Variants in TSHZ2 observed in about 807,000 individuals in gnomAD.
The protein encoded by TSHZ2 is teashirt homolog 2.
TSHZ2 carries 21 observed loss-of-function variants against 74.4 expected under a neutral mutation model. That is an observed-to-expected ratio of 0.28 (90% CI 0.20 to 0.41). The LOEUF (loss-of-function observed/expected upper bound fraction) is 0.41. TSHZ2 is among the 10% of genes least tolerant of loss of function. The probability of loss-of-function intolerance (pLI) is 1.00; values close to 1 mark genes in which losing one functional copy is unlikely to be tolerated. For missense variants in TSHZ2, 1,244 were observed against 1,293.5 expected, an observed-to-expected ratio of 0.96 and a Z score of 0.59; for synonymous variants, 540 against 515.3, an observed-to-expected ratio of 1.05 and a Z score of -0.65.
intron 2 of TSHZ2, among the ~76,000 whole-genome samples, chr20:53,419,981 C>A (rs1204753029): frequency 6.6e-6 from 1 of 152,202 alleles, no homozygotes; most frequent in Non-Finnish European, 1.5e-5. Flanking sequence ...TCTCTCTGCA[C>A]CGTATATAAA....
At chr20:53,444,268 C>T (rs1330645174) in intron 2 of TSHZ2, among the ~76,000 whole-genome samples, 3 of 152,180 alleles carry the variant, frequency 2.0e-5, no homozygotes, top group Non-Finnish European at 4.4e-5. Flanking sequence ...TGGAAACTCT[C>T]AAGAAACAAA....
intron 1 of TSHZ2, among the ~76,000 whole-genome samples, chr20:52,988,275 A>G (rs910826642): frequency 2.6e-5 from 4 of 152,122 alleles, no homozygotes; most frequent in African/African-American, 7.2e-5. Context: ...TTTATATACA[A>G]TCTCTCCCCG....
intron 1 of TSHZ2, chr20:53,185,648 G>A: frequency 1.3e-6 from 2 of 1,536,000 alleles, no homozygotes; most frequent in Non-Finnish European, 1.7e-6. Context: ...AAGAAAAGAT[G>A]ATGGCTGCTG....
chr20:53,105,104 A>G (rs1316259443), intron 1 of TSHZ2, among the ~76,000 whole-genome samples: 2 of 152,190 alleles, frequency 1.3e-5, no homozygotes, highest in Admixed American at 1.3e-4. Context: ...CTCCCAAGAG[A>G]GCTAGCTAAG....
intron 1 of TSHZ2, among the ~76,000 whole-genome samples, chr20:53,042,701 G>GA (rs5841925): frequency 0.43 from 55,220 of 128,360 alleles, 11,834 homozygotes; most frequent in East Asian, 0.64. Context: ...AAGTAGAGAA[G>GA]AAAAAAAAAA....
chr20:53,280,070 T>G (rs749313139), intron 2 of TSHZ2, among the ~76,000 whole-genome samples: 1 of 152,134 alleles, frequency 6.6e-6, no homozygotes, highest in Non-Finnish European at 1.5e-5. Context: ...AGGCTTTAAA[T>G]AGGGAAAGAG....
intron 1 of TSHZ2, among the ~76,000 whole-genome samples, chr20:53,202,411 A>G (rs1374744608): frequency 5.3e-5 from 8 of 152,220 alleles, no homozygotes. Flanking sequence ...GCAACTTGGT[A>G]CATGATTCTC....
At chr20:53,010,741 C>T (rs1256336055) in intron 1 of TSHZ2, among the ~76,000 whole-genome samples, 8 of 152,178 alleles carry the variant, frequency 5.3e-5, no homozygotes, top group Non-Finnish European at 8.8e-5. Context: ...AACTTTATTG[C>T]ACTGTAAATT....
intron 2 of TSHZ2, among the ~76,000 whole-genome samples, chr20:53,404,825 C>T (rs532752981): frequency 8.6e-5 from 13 of 150,844 alleles, no homozygotes; most frequent in Admixed American, 2.0e-4. Flanking sequence ...ATCACTACAC[C>T]TGCATTGATC....
chr20:53,229,499 C>T (rs984139267), intron 1 of TSHZ2, among the ~76,000 whole-genome samples: 2 of 152,166 alleles, frequency 1.3e-5, no homozygotes, highest in Non-Finnish European at 2.9e-5. Context: ...TAATATCAGC[C>T]TTGCCTGCAA....
intron 1 of TSHZ2, among the ~76,000 whole-genome samples, chr20:52,978,225 C>T (rs1048619798): frequency 6.6e-6 from 1 of 152,078 alleles, no homozygotes; most frequent in Non-Finnish European, 1.5e-5. Flanking sequence ...GGGTTTTGGT[C>T]ATGGGGGTGG....
intron 1 of TSHZ2, among the ~76,000 whole-genome samples, chr20:53,059,822 T>C (rs1399849240): frequency 1.3e-5 from 2 of 152,222 alleles, no homozygotes; most frequent in Admixed American, 6.5e-5. Context: ...TCAGGAAGAT[T>C]TGCCAGAATT....
Position 53,254,067 on chromosome 20 carries a change from G to A in TSHZ2, c.609G>A (p.Lys203=). The A allele has an allele frequency of 6.2e-7, 1 of 1,614,154 alleles. No individual in the cohort carries two copies. The highest frequency in any genetic ancestry group is 1.6e-4 in the Middle Eastern group (1 of 6,062). ...TGCAGTTGTACCGACAGAGCAGCAA[G>A]ATGTGCGGGACTGTGTTCACAGGGG... ...SSVQLYRQSS[K]MCGTVFTGAS... is the part of the protein sequence containing the mutation. Residue 203 remains lysine, a synonymous_variant, in exon 2 of 3, where the codon AAG becomes AAA. Transcript: ENST00000371497.
intron 1 of TSHZ2, among the ~76,000 whole-genome samples, chr20:53,224,717 G>A (rs1014356675): frequency 6.6e-6 from 1 of 152,024 alleles, no homozygotes; most frequent in African/African-American, 2.4e-5. Flanking sequence ...GGGTGCGGTG[G>A]TGGACACCTG....
At position 53,100,378 on chromosome 20, in the gene TSHZ2, C is replaced by G. The variant is rs182292366; in HGVS notation, c.40+127045C>G. Among the ~76,000 whole-genome samples the G allele has an allele frequency of 2.6e-5, 4 of 152,286 alleles. No homozygotes were observed. The East Asian group carries it at 7.7e-4, about 29-fold the overall frequency. On this transcript the variant is annotated intron_variant, in intron 1 of 2. Coordinates refer to ENST00000371497, the MANE Select transcript of TSHZ2 (RefSeq NM_173485.6). ...AGTCTAAACCCCTCGTTGGCTGTGGCTTTCTTTCCCCCATTAATATTCAGA... is the reference window on the plus strand; with the variant it reads ...AGTCTAAACCCCTCGTTGGCTGTGGGTTTCTTTCCCCCATTAATATTCAGA...
chr20:53,070,336 A>T (rs575529641), intron 1 of TSHZ2, among the ~76,000 whole-genome samples: 1 of 152,214 alleles, frequency 6.6e-6, no homozygotes, highest in Non-Finnish European at 1.5e-5. Context: ...AATTTTACAC[A>T]GAGAAACCCT....
chr20:53,050,126 C>CACATATATAT (rs1984390374), intron 1 of TSHZ2, among the ~76,000 whole-genome samples: 1 of 100,992 alleles, frequency 9.9e-6, no homozygotes, highest in African/African-American at 3.9e-5. Flanking sequence ...TATATATATA[C>CACATATATAT]ACATATATAT....
At chr20:53,168,127 C>G (rs1988104729) in intron 1 of TSHZ2, among the ~76,000 whole-genome samples, 1 of 152,164 alleles carries the variant, frequency 6.6e-6, no homozygotes, top group Non-Finnish European at 1.5e-5. Flanking sequence ...ACCTCAGTCC[C>G]CGAGATCAAG....
intron 2 of TSHZ2, chr20:53,399,807 G>T (rs1299075582): frequency 6.6e-6 from 1 of 152,206 alleles, no homozygotes. Flanking sequence ...CCAGGAAGTG[G>T]GTTGTGTTTT....
Sources: gnomAD v4.1 joint callset for allele counts (sites outside exome capture counted in the v4.1 genomes callset) on GRCh38, gnomAD v4.1.1 for gene constraint, MANE v1.5 for transcripts, NCBI Gene and HGNC (gene_info 2026-07-23, HGNC 2026-07-21) for gene names.